ANO2: variants seen among roughly 807,000 people sequenced by gnomAD.
ANO2 encodes the protein anoctamin-2.
Under a neutral mutation model 124.2 loss-of-function variants are expected in ANO2, and 101 were observed. The observed-to-expected ratio is 0.81, with a 90% confidence interval of 0.69 to 0.96. The LOEUF is 0.96. Ranked by LOEUF, ANO2 falls within the 40% of genes least tolerant of loss-of-function variation. The pLI is 0.00. For synonymous variants in ANO2, 486 were observed against 482.5 expected (o/e 1.01, Z -0.09); for missense variants, 1,293 against 1,274.5 (o/e 1.01, Z -0.22).
chr12:5,887,180 T>C (rs1938979007), intron 3 of ANO2, among the ~76,000 whole-genome samples: 1 of 152,060 alleles, frequency 6.6e-6, no homozygotes, highest in Non-Finnish European at 1.5e-5. Context: ...TAGGCTAGGA[T>C]TTTTTTTAAA....
chr12:5,803,297 G>T (rs1474908109), intron 9 of ANO2, among the ~76,000 whole-genome samples: 1 of 152,144 alleles, frequency 6.6e-6, no homozygotes, highest in Non-Finnish European at 1.5e-5. Flanking sequence ...CGTGCAGCAC[G>T]GCAAAATGAA....
At chr12:5,774,989 A>G (rs1411158598) in intron 10 of ANO2, among the ~76,000 whole-genome samples, 1 of 152,218 alleles carries the variant, frequency 6.6e-6, no homozygotes, top group African/African-American at 2.4e-5. Context: ...TGTTTTTTAC[A>G]TACGTAGATG....
rs139059542 is a variant in ANO2, at chr12:5,851,546, A to G, written c.633+2497T>C. Reference sequence around the variant, plus strand: ...CTAAAAATACAAAAATTAGCTGGGCATGGTGATGAGCACCTGTAATCCCAG... The same window carrying G: ...CTAAAAATACAAAAATTAGCTGGGCGTGGTGATGAGCACCTGTAATCCCAG... On this transcript the variant is annotated intron_variant, in intron 4 of 24. Transcript: ENST00000682330. Among the ~76,000 whole-genome samples the G allele has an allele frequency of 8.1e-3, 1,239 of 152,166 alleles. 10 individuals carry two copies. The highest frequency in any genetic ancestry group is 0.014 in the Non-Finnish European group (976 of 67,974).
At chr12:5,873,260 C>CTCTCTCTCTCTCT (rs1591723615) in intron 3 of ANO2, among the ~76,000 whole-genome samples, 1 of 114,044 alleles carries the variant, frequency 8.8e-6, no homozygotes, top group African/African-American at 3.3e-5. Flanking sequence ...TGTCTCTCTC[C>CTCTCTCTCTCTCT]CTTTCTCTCT....
At chr12:5,644,489 G>T (rs543503683) in intron 15 of ANO2, among the ~76,000 whole-genome samples, 4 of 151,926 alleles carry the variant, frequency 2.6e-5, no homozygotes, top group Admixed American at 6.6e-5. Context: ...TCAGTTTATC[G>T]ACTGGACAAT....
intron 24 of ANO2, among the ~76,000 whole-genome samples, chr12:5,564,839 G>C (rs889930063): frequency 2.6e-5 from 4 of 152,170 alleles, no homozygotes; most frequent in African/African-American, 9.7e-5. Context: ...GCTGGGGTCT[G>C]GGGGCAGGAT....
At chr12:5,566,349 T>G (rs1192310062) in intron 23 of ANO2, among the ~76,000 whole-genome samples, 1 of 152,206 alleles carries the variant, frequency 6.6e-6, no homozygotes, top group East Asian at 1.9e-4. Flanking sequence ...CGTGATTTCA[T>G]GCCTCTTTCT....
intron 10 of ANO2, among the ~76,000 whole-genome samples, chr12:5,767,712 C>G (rs1253674162): frequency 1.3e-5 from 2 of 152,202 alleles, no homozygotes; most frequent in Non-Finnish European, 2.9e-5. Context: ...AAGACTCGAG[C>G]TACTTGTCCG....
intron 16 of ANO2, among the ~76,000 whole-genome samples, chr12:5,628,887 G>C (rs997840682): frequency 1.3e-5 from 2 of 152,176 alleles, no homozygotes; most frequent in Non-Finnish European, 1.5e-5. Context: ...CAGTGTTACT[G>C]TCATAATGTG....
At position 5,615,245 on chromosome 12, in the gene ANO2, G is replaced by A. The variant is rs775238002; in HGVS notation, c.1869C>T (p.Phe623=). 1.9e-6 allele frequency: 3 copies of A among 1,613,822 alleles called. No individual in the cohort carries two copies. The highest frequency in any genetic ancestry group is 2.2e-5 in the South Asian group (2 of 91,000). ...AGTAGGCATTGACAAACTTGAGCAAGAAAGCTTTGAGGATCAGGCGCTCTT... is the reference window on the plus strand; with the variant it reads ...AGTAGGCATTGACAAACTTGAGCAAAAAAGCTTTGAGGATCAGGCGCTCTT... ...TFEERLILKA[F]LLKFVNAYSP... The change falls in exon 17 of 25, where the codon TTC becomes TTT. Residue 623 remains phenylalanine, a synonymous_variant. Coordinates refer to ENST00000682330, the MANE Select transcript of ANO2 (RefSeq NM_001364791.2).
intron 10 of ANO2, among the ~76,000 whole-genome samples, chr12:5,762,049 A>C (rs1951758614): frequency 6.6e-6 from 1 of 152,120 alleles, no homozygotes; most frequent in South Asian, 2.1e-4. Flanking sequence ...TGTAAGTAGA[A>C]TAAAATTGTA....
intron 23 of ANO2, among the ~76,000 whole-genome samples, chr12:5,569,291 G>A (rs1941962632): frequency 6.6e-6 from 1 of 152,152 alleles, no homozygotes; most frequent in Non-Finnish European, 1.5e-5. Flanking sequence ...GCCTCCCAAA[G>A]TCCCACTGAG....
intron 14 of ANO2, among the ~76,000 whole-genome samples, chr12:5,717,970 T>C (rs1358908338): frequency 6.6e-6 from 1 of 152,204 alleles, no homozygotes. Flanking sequence ...GCAGGCTTCT[T>C]TCTTTCCAGT....
chr12:5,859,373 T>C (rs1955199200), intron 3 of ANO2, among the ~76,000 whole-genome samples: 1 of 152,208 alleles, frequency 6.6e-6, no homozygotes, highest in African/African-American at 2.4e-5. Flanking sequence ...AAAAAAACTA[T>C]GCAATCCTTT....
At chr12:5,781,377 C>T (rs1204883716) in intron 10 of ANO2, among the ~76,000 whole-genome samples, 4 of 152,134 alleles carry the variant, frequency 2.6e-5, no homozygotes, top group Non-Finnish European at 4.4e-5. Flanking sequence ...AGGGGTGGTG[C>T]CCCAGGCTAA....
chr12:5,715,499 C>T (rs138972601), intron 14 of ANO2, among the ~76,000 whole-genome samples: 1 of 152,282 alleles, frequency 6.6e-6, no homozygotes, highest in Non-Finnish European at 1.5e-5. Flanking sequence ...TTCTCCCTAG[C>T]CAGAATTGGA....
chr12:5,777,424 AAGAGT>A (rs1467062605), intron 10 of ANO2, among the ~76,000 whole-genome samples: 1 of 152,110 alleles, frequency 6.6e-6, no homozygotes, highest in Non-Finnish European at 1.5e-5. Flanking sequence ...GAGAAGAAAG[AAGAGT>A]AGTGTCCCCA....
In ANO2 at chr12:5,658,490, TATC is replaced by T. The variant is rs1947276805; in HGVS notation, c.1546-10692_1546-10690del. 6.6e-6 allele frequency among the ~76,000 whole-genome samples: 1 copy of T among 151,908 alleles called. No individual in the cohort carries two copies. The highest frequency in any genetic ancestry group is 2.1e-4 in the South Asian group (1 of 4,806). ...TCATCACTATCATCATCATCATCAA[TATC>T]ATCGTATCAAAATCAATATAATCAT... On this transcript the variant is annotated intron_variant, in intron 14 of 24. Transcript: ENST00000682330. The surrounding 1 kb of genome is among the most constrained non-coding windows in gnomAD (Gnocchi z 4.3).
chr12:5,903,850 G>T (rs1336054193), intron 3 of ANO2, among the ~76,000 whole-genome samples: 1 of 152,156 alleles, frequency 6.6e-6, no homozygotes, highest in Non-Finnish European at 1.5e-5. Context: ...GCCTGGTTTA[G>T]GCTAAGATTA....
Sources: allele counts gnomAD v4.1 joint callset (sites outside exome capture counted in the v4.1 genomes callset), GRCh38; gene constraint gnomAD v4.1.1; non-coding constraint Gnocchi (gnomAD v3.1); transcripts MANE v1.5; gene names NCBI Gene and HGNC (gene_info 2026-07-23, HGNC 2026-07-21).